Variants in DGKG observed in about 807,000 individuals in gnomAD.
DGKG encodes the protein DAG kinase gamma.
DGKG carries 78 observed loss-of-function variants against 105.3 expected under a neutral mutation model. That is an observed-to-expected ratio of 0.74 (90% CI 0.62 to 0.89). The LOEUF (loss-of-function observed/expected upper bound fraction) is 0.89. Among genes scored for constraint, DGKG ranks in the 40% least tolerant of loss-of-function variants. The pLI, the probability that DGKG is intolerant of heterozygous loss-of-function variation, is 0.00. For synonymous variants in DGKG, 346 were observed against 367.1 expected, an observed-to-expected ratio of 0.94 and a Z score of 0.66; for missense variants, 958 against 1,020.1, an observed-to-expected ratio of 0.94 and a Z score of 0.83.
chr3:186,244,725 A>G (rs570859235), intron 19 of DGKG, among the ~76,000 whole-genome samples: 11 of 152,156 alleles, frequency 7.2e-5, no homozygotes, highest in African/African-American at 2.4e-4. Flanking sequence ...TTTTAGCTTA[A>G]GATATATTAA....
intron 3 of DGKG, among the ~76,000 whole-genome samples, chr3:186,299,772 T>C (rs898675176): frequency 4.8e-5 from 2 of 41,850 alleles, no homozygotes; most frequent in African/African-American, 2.0e-4. Flanking sequence ...CTTTTCTCTT[T>C]CTTTCTTTCT....
intron 6 of DGKG, among the ~76,000 whole-genome samples, chr3:186,286,809 G>A (rs888690377): frequency 6.6e-6 from 1 of 152,040 alleles, no homozygotes; most frequent in African/African-American, 2.4e-5. Context: ...CAAGGCGGGC[G>A]GATCACCTGA....
intron 2 of DGKG, among the ~76,000 whole-genome samples, chr3:186,316,541 C>T (rs1724828487): frequency 6.6e-6 from 1 of 152,132 alleles, no homozygotes; most frequent in Admixed American, 6.5e-5. Flanking sequence ...CACATTAGCT[C>T]TTTTGATAAG....
At chr3:186,162,043 T>C (rs35889946) in intron 23 of DGKG, among the ~76,000 whole-genome samples, 24,707 of 152,124 alleles carry the variant, frequency 0.16, 2,065 homozygotes, top group South Asian at 0.29. Context: ...TACAGGCATG[T>C]GCCACCACAC....
At chr3:186,348,506 C>A (rs1232570509) in intron 1 of DGKG, among the ~76,000 whole-genome samples, 5 of 138,556 alleles carry the variant, frequency 3.6e-5, no homozygotes, top group Non-Finnish European at 7.5e-5. Context: ...GGCTGGAGTG[C>A]AGTGCTGTGA....
At chr3:186,341,345 G>A (rs972700128) in intron 1 of DGKG, among the ~76,000 whole-genome samples, 2 of 152,172 alleles carry the variant, frequency 1.3e-5, no homozygotes, top group African/African-American at 2.4e-5. Flanking sequence ...ATGAGTAAGA[G>A]GATCAAAGAG....
At chr3:186,273,930 C>A (rs1319802066) in intron 10 of DGKG, among the ~76,000 whole-genome samples, 5 of 152,296 alleles carry the variant, frequency 3.3e-5, no homozygotes, top group South Asian at 2.1e-4. Context: ...TATTCTGGTG[C>A]CTGCCATGCC....
chr3:186,275,655 C>T lies in DGKG; in HGVS notation c.802G>A (p.Gly268Arg), dbSNP rs755577919. Residue 268 changes from glycine (G) to arginine (R), a missense_variant, in exon 10 of 25, where the codon GGG becomes AGG. Coordinates refer to ENST00000265022, the MANE Select transcript of DGKG (RefSeq NM_001346.3). ...ATGGTCCAGGCGTGCCGCCCATCCC[C>T]CTTGGAGCCCTGCAGGGGTAATAGG... Reference protein sequence around the residue: ...LLGMDDSGSKGDGRHAWTMKH... With the variant: ...LLGMDDSGSKRDGRHAWTMKH... 2.5e-6 allele frequency: 4 copies of T among 1,613,614 alleles called. No homozygotes were observed. In the South Asian group the frequency reaches 4.4e-5, roughly 18 times the overall value.
chr3:186,348,320 T>C (rs1726442507), intron 1 of DGKG, among the ~76,000 whole-genome samples: 1 of 151,540 alleles, frequency 6.6e-6, no homozygotes, highest in Non-Finnish European at 1.5e-5. Context: ...ATAGTTTGAG[T>C]AAATACATTT....
intron 1 of DGKG, among the ~76,000 whole-genome samples, chr3:186,331,663 A>T (rs916717049): frequency 2.6e-5 from 4 of 152,328 alleles, no homozygotes; most frequent in African/African-American, 9.6e-5. Flanking sequence ...TTGGGCTCCA[A>T]GGAGAAGTTG....
Position 186,318,940 on chromosome 3 carries a change from T to C in DGKG, c.67+1453A>G, listed in dbSNP as rs78233702. 7.9e-3 allele frequency among the ~76,000 whole-genome samples: 1,210 copies of C among 152,332 alleles called. 21 individuals are homozygous for C. The highest frequency in any genetic ancestry group is 0.026 in the African/African-American group (1,097 of 41,564). On this transcript the variant is annotated intron_variant, in intron 2 of 24. Coordinates refer to ENST00000265022, the MANE Select transcript of DGKG (RefSeq NM_001346.3). ...TCCAGCTGTACCAGAGCTGTTTGCC[T>C]GCTGCCTTAAAGCAGTTCTCTGTGT...
Position 186,278,381 on chromosome 3 carries a change from T to C in DGKG, c.792+1470A>G, listed in dbSNP as rs80262253. On this transcript the variant is annotated intron_variant, in intron 9 of 24. Transcript: ENST00000265022. ...GAGCCCTTCCAGTTCCTGGATCACA[T>C]GGGTTCTTGTACATAAAGCTTCTTG... Among the ~76,000 whole-genome samples, 119 of 152,248 alleles carry C rather than the reference T, an allele frequency of 7.8e-4. 1 individual carries two copies. The East Asian group carries it at 0.017, about 22-fold the overall frequency.
At chr3:186,330,870 C>T (rs1206593247) in intron 1 of DGKG, among the ~76,000 whole-genome samples, 3 of 152,144 alleles carry the variant, frequency 2.0e-5, no homozygotes, top group Admixed American at 6.5e-5. Flanking sequence ...AACACATAGA[C>T]GAATAACATA....
chr3:186,233,021 T>C (rs951018339), intron 20 of DGKG, among the ~76,000 whole-genome samples: 17 of 152,206 alleles, frequency 1.1e-4, no homozygotes, highest in African/African-American at 3.1e-4. Context: ...AATAAGCCTA[T>C]GAGGCTAGTA....
chr3:186,179,744 C>T (rs1717267994), intron 22 of DGKG, among the ~76,000 whole-genome samples: 1 of 152,148 alleles, frequency 6.6e-6, no homozygotes, highest in African/African-American at 2.4e-5. Flanking sequence ...GGAAACAGAC[C>T]ACAGCTACTT....
chr3:186,315,906 A>T (rs1269911514), intron 2 of DGKG, among the ~76,000 whole-genome samples: 3 of 152,226 alleles, frequency 2.0e-5, no homozygotes, highest in African/African-American at 7.2e-5. Flanking sequence ...GTTCCGTTCT[A>T]GGATCTCTGA....
intron 21 of DGKG, among the ~76,000 whole-genome samples, chr3:186,209,925 A>T (rs888736139): frequency 2.0e-5 from 3 of 152,172 alleles, no homozygotes; most frequent in African/African-American, 7.2e-5. Context: ...ATAAATACTA[A>T]AAAGACTCAT....
chr3:186,279,617 C>T, intron 9 of DGKG: 1 of 346,722 alleles, frequency 2.9e-6, no homozygotes, highest in Non-Finnish European at 5.2e-6. Flanking sequence ...TATTCCCTCA[C>T]AGCATGCAGA....
chr3:186,180,141 G>A (rs1335955943), intron 22 of DGKG, among the ~76,000 whole-genome samples: 1 of 152,076 alleles, frequency 6.6e-6, no homozygotes, highest in Non-Finnish European at 1.5e-5. Flanking sequence ...AGTCGTGAAG[G>A]GAAACATGTG....
Sources: gnomAD v4.1 joint callset for allele counts (sites outside exome capture counted in the v4.1 genomes callset) on GRCh38, gnomAD v4.1.1 for gene constraint, MANE v1.5 for transcripts, NCBI Gene and HGNC (gene_info 2026-07-23, HGNC 2026-07-21) for gene names.